NEB: variants seen among roughly 807,000 people sequenced by gnomAD.
NEB encodes the protein nemaline myopathy type 2.
Under a neutral mutation model 952.2 loss-of-function variants are expected in NEB, and 512 were observed. The observed-to-expected ratio is 0.54, with a 90% confidence interval of 0.50 to 0.58. The LOEUF (loss-of-function observed/expected upper bound fraction) is 0.58, where lower values mean the gene tolerates loss of function less well. NEB is among the 20% of genes least tolerant of loss of function. The pLI is 0.00. For synonymous variants in NEB, 2,900 were observed against 3,149.8 expected, an observed-to-expected ratio of 0.92 and a Z score of 2.66; for missense variants, 8,428 against 9,231.1, an observed-to-expected ratio of 0.91 and a Z score of 3.56.
Position 151,674,564 on chromosome 2 carries a change from C to T in NEB, c.3900G>A (p.Trp1300Ter). The T allele has an allele frequency of 1.9e-6, 3 of 1,612,408 alleles. No homozygotes were observed. The highest frequency in any genetic ancestry group is 2.2e-5 in the East Asian group (1 of 44,848). ...TGTTGCCCTTGGCTATTAAGTCATA[C>T]CAATCCCGTTTATAACAGACCTGGA... Reference protein sequence around the residue: ...NISDVCYKRDWYDLIAKGNNV... With the variant: ...NISDVCYKRD The change falls in exon 36 of 182, where the codon TGG becomes TGA. Residue 1300 changes from tryptophan to a stop codon, truncating the protein, a stop_gained. Coordinates refer to ENST00000397345, the MANE Select transcript of NEB (RefSeq NM_001164508.2). LOFTEE classifies it high-confidence loss of function.
At chr2:151,709,592 C>T (rs923020340) in intron 12 of NEB, 64 bp downstream of exon 12, 2 of 1,307,216 alleles carry the variant, frequency 1.5e-6, no homozygotes, top group Non-Finnish European at 2.2e-6. Flanking sequence ...TATACAAGAG[C>T]CAAAGTTATA....
Position 151,640,463 on chromosome 2 carries a change from C to G in NEB, c.8577G>C (p.Gln2859His). 6.2e-7 allele frequency: 1 copy of G among 1,613,984 alleles called. No individual in the cohort carries two copies. Among genetic ancestry groups the G allele is most frequent in the South Asian group, 1.1e-5 (1 of 91,084 alleles). The change falls in exon 61 of 182, where the codon CAG becomes CAC. Residue 2859 changes from glutamine (Q) to histidine (H), a missense_variant. Gln to His is a conservative substitution (Grantham distance 24, BLOSUM62 0). Coordinates refer to ENST00000397345, the MANE Select transcript of NEB (RefSeq NM_001164508.2). ...MLGVVLAKKC[Q>H]TLVSDVDYKN... Reference sequence around the variant, plus strand: ...TGTAGTCCACATCGCTGACTAAGGTCTGGCACTTCTTGGCCAGCACCACCC... The same window carrying G: ...TGTAGTCCACATCGCTGACTAAGGTGTGGCACTTCTTGGCCAGCACCACCC...
chr2:151,693,114 C>T lies in NEB; in HGVS notation c.1897-752G>A, dbSNP rs78085464. Reference sequence around the variant, plus strand: ...GTGAAAACGCATTTTGTAACACCTCCGGAAGCTGGCTATTAACATTAAGAC... The same window carrying T: ...GTGAAAACGCATTTTGTAACACCTCTGGAAGCTGGCTATTAACATTAAGAC... On this transcript the variant is annotated intron_variant, in intron 20 of 181. Transcript: ENST00000397345. 9.6e-3 allele frequency among the ~76,000 whole-genome samples: 1,461 copies of T among 152,196 alleles called. 29 individuals are homozygous for T. The highest frequency in any genetic ancestry group is 0.033 in the African/African-American group (1,379 of 41,520).
At chr2:151,571,913 G>A (rs926645862) in intron 107 of NEB, among the ~76,000 whole-genome samples, 1 of 152,144 alleles carries the variant, frequency 6.6e-6, no homozygotes, top group Non-Finnish European at 1.5e-5. Flanking sequence ...ATCCTTGTAA[G>A]CATGGACAGG....
chr2:151,684,126 C>A (rs763663849), intron 28 of NEB, among the ~76,000 whole-genome samples: 1 of 152,102 alleles, frequency 6.6e-6, no homozygotes, highest in Non-Finnish European at 1.5e-5. Context: ...GATGAAAAGG[C>A]TCTGCAGATT....
At chr2:151,566,646 C>T (rs1314486615) in intron 114 of NEB, among the ~76,000 whole-genome samples, 1 of 152,194 alleles carries the variant, frequency 6.6e-6, no homozygotes, top group African/African-American at 2.4e-5. Flanking sequence ...TCTATCCTAG[C>T]TTTACCAAAG....
Position 151,516,462 on chromosome 2 carries a change from ACT to A in NEB, c.22900_22901del (p.Ser7634TrpfsTer5), listed in dbSNP as rs774875122. The A allele has an allele frequency of 6.2e-7, 1 of 1,606,206 alleles. No homozygotes were observed. Among genetic ancestry groups the A allele is most frequent in the African/African-American group, 1.3e-5 (1 of 74,538 alleles). ...TGGTGTGGTTTTTTTGACTTACCCC[ACT>A]CTGCATCTGCTGAGACTCTTTGGCA... Reference protein sequence around the residue: ...ITAKESQQMQSGKEYRKDYEE... With the variant: ...ITAKESQQMQXGKEYRKDYEE... On this transcript the variant is annotated frameshift_variant, in exon 157 of 182. Transcript: ENST00000397345. LOFTEE classifies it high-confidence loss of function.
chr2:151,485,683 A>AC lies in NEB; in HGVS notation c.*76_*77insG. On this transcript the variant is annotated 3_prime_UTR_variant, in exon 182 of 182. Transcript: ENST00000397345. ...CCATAGGCAGCTTGAGAACTTAGGT[A>AC]ACAGTGGAGAGTCTAAACCGAAACA... 1.5e-6 allele frequency: 2 copies of AC among 1,370,376 alleles called. No individual in the cohort carries two copies. Among genetic ancestry groups the AC allele is most frequent in the Non-Finnish European group, 2.0e-6 (2 of 1,012,876 alleles). The allele number at this position is 1,370,376 out of a possible 1,614,324, so 84.9% of individuals were successfully genotyped here.
chr2:151,667,756 C>A, intron 40 of NEB, 48 bp downstream of exon 40: 1 of 1,493,050 alleles, frequency 6.7e-7, no homozygotes, highest in Non-Finnish European at 9.3e-7. Flanking sequence ...GTCTTGAACT[C>A]CTGAAGTCTT....
chr2:151,553,158 TAG>T (rs1016943175), intron 127 of NEB, among the ~76,000 whole-genome samples: 6 of 152,088 alleles, frequency 3.9e-5, no homozygotes, highest in Admixed American at 3.3e-4. Context: ...GCCTAAAACA[TAG>T]AAAGAGAAGA....
intron 148 of NEB, among the ~76,000 whole-genome samples, chr2:151,526,627 G>A (rs1312727855): frequency 6.6e-6 from 1 of 152,124 alleles, no homozygotes; most frequent in East Asian, 1.9e-4. Context: ...ACAAATCATG[G>A]CGTTTCCATA....
At chr2:151,724,010 C>G (rs1309205084) in intron 8 of NEB, among the ~76,000 whole-genome samples, 1 of 152,012 alleles carries the variant, frequency 6.6e-6, no homozygotes, top group Non-Finnish European at 1.5e-5. Context: ...CACCTTTATT[C>G]TCCACAGACA....
rs753552984 is a variant in NEB, at chr2:151,724,936, A to C, written c.428T>G (p.Val143Gly). The C allele has an allele frequency of 6.2e-7, 1 of 1,613,830 alleles. No homozygotes were observed. Among genetic ancestry groups the C allele is most frequent in the Non-Finnish European group, 8.5e-7 (1 of 1,179,816 alleles). ...SEVKYRMDGD[V>G]AKTICHVDEK... Reference sequence around the variant, plus strand: ...ATCTACGTGACATATAGTCTTAGCAACATCACCATCCATTCGATACTTAAC... The same window carrying C: ...ATCTACGTGACATATAGTCTTAGCACCATCACCATCCATTCGATACTTAAC... The change falls in exon 7 of 182, where the codon GTT (valine) becomes GGT (glycine). Residue 143 changes from valine (V) to glycine (G), a missense_variant. By Grantham distance (109) the Val-to-Gly change is moderately radical. This residue lies in a region of NEB where 2,851 missense variants were observed against 2,791.5 expected (regional missense o/e 1.02). Coordinates refer to ENST00000397345, the MANE Select transcript of NEB (RefSeq NM_001164508.2).
chr2:151,683,356 T>C lies in NEB; in HGVS notation c.2836-587A>G, dbSNP rs1251836007. On this transcript the variant is annotated intron_variant, in intron 28 of 181. Transcript: ENST00000397345. The stretch of plus-strand genomic sequence containing the variant: ...GGCGGTTATTATTTGGAATTGGTCC[T>C]AGTTGAGGCACAGTTACTTGACGCT... Among the ~76,000 whole-genome samples the C allele has an allele frequency of 2.6e-5, 4 of 152,216 alleles. No individual in the cohort carries two copies. The East Asian group carries it at 5.8e-4, about 22-fold the overall frequency.
chr2:151,500,755 G>T (rs1432085687), intron 168 of NEB, among the ~76,000 whole-genome samples: 4 of 151,812 alleles, frequency 2.6e-5, no homozygotes, highest in Non-Finnish European at 5.9e-5. Context: ...GTGCCACCAC[G>T]CTTGGCTAAT....
intron 35 of NEB, 149 bp downstream of exon 35, chr2:151,675,138 A>T: frequency 1.5e-6 from 1 of 674,488 alleles, no homozygotes; most frequent in Non-Finnish European, 2.6e-6. Flanking sequence ...CCAACTGAAG[A>T]GGTAAAGAAC....
At chr2:151,498,609 C>T (rs2062003906) in intron 169 of NEB, among the ~76,000 whole-genome samples, 1 of 152,152 alleles carries the variant, frequency 6.6e-6, no homozygotes, top group African/African-American at 2.4e-5. Flanking sequence ...ATCTCTGCAG[C>T]ACTGAGCAAC....
chr2:151,504,132 T>TTAAG (rs1336091907), intron 165 of NEB, among the ~76,000 whole-genome samples: 2 of 152,008 alleles, frequency 1.3e-5, no homozygotes, highest in African/African-American at 2.4e-5. Context: ...ACTCTTAACA[T>TTAAG]TAAGTTTTCA....
chr2:151,503,465 C>A, intron 165 of NEB, 24 bp from the exon 166 acceptor site: 1 of 1,509,110 alleles, frequency 6.6e-7, no homozygotes, highest in Non-Finnish European at 9.2e-7. Context: ...TTAGAATACC[C>A]AGAAAGGTAA....
Sources: gnomAD v4.1 joint callset for allele counts (sites outside exome capture counted in the v4.1 genomes callset) on GRCh38, gnomAD v4.1.1 for gene constraint, gnomAD v4.1.1 regional missense constraint, MANE v1.5 for transcripts, NCBI Gene and HGNC (gene_info 2026-07-23, HGNC 2026-07-21) for gene names.